Variants in PARD3 observed in about 807,000 individuals in gnomAD.
The protein encoded by PARD3 is partitioning defective 3 homolog.
In PARD3, 75 loss-of-function variants were observed where a neutral mutation model predicts 155.4. The ratio of observed to expected loss-of-function variants is 0.48; its 90% CI spans 0.40 to 0.58. The LOEUF (loss-of-function observed/expected upper bound fraction) is 0.58, where lower values mean the gene tolerates loss of function less well. Among genes scored for constraint, PARD3 ranks in the 20% least tolerant of loss-of-function variants. PARD3 has a pLI of 0.00. For synonymous variants in PARD3, 576 were observed against 610.5 expected (o/e 0.94, Z 0.83); for missense variants, 1,642 against 1,721.7 (o/e 0.95, Z 0.82).
intron 1 of PARD3, among the ~76,000 whole-genome samples, chr10:34,790,902 T>C (rs1564622853): frequency 6.6e-6 from 1 of 152,228 alleles, no homozygotes; most frequent in African/African-American, 2.4e-5. Context: ...CAGTCAGTTA[T>C]GGCCATCCCT....
chr10:34,320,380 C>T lies in PARD3; in HGVS notation c.2834-3042G>A, dbSNP rs534075390. Among the ~76,000 whole-genome samples the T allele has an allele frequency of 1.2e-4, 19 of 152,272 alleles. 1 individual carries two copies. In the South Asian group the frequency reaches 3.3e-3, roughly 27 times the overall value. ...TGTATGCATCATTTAATAGATTTTA[C>T]GACCCTCTACAATGTCTGAAACTAT... On this transcript the variant is annotated intron_variant, in intron 19 of 24. Transcript: ENST00000374788.
intron 2 of PARD3, among the ~76,000 whole-genome samples, chr10:34,668,144 T>A (rs1590531291): frequency 6.6e-6 from 1 of 152,068 alleles, no homozygotes; most frequent in Non-Finnish European, 1.5e-5. Context: ...AACAAATAAT[T>A]CCTCATCTGC....
chr10:34,741,798 G>C (rs1281867977), intron 1 of PARD3, among the ~76,000 whole-genome samples: 1 of 152,126 alleles, frequency 6.6e-6, no homozygotes, highest in Non-Finnish European at 1.5e-5. Flanking sequence ...AGAAGTTAAT[G>C]AAGCACATAC....
intron 22 of PARD3, among the ~76,000 whole-genome samples, chr10:34,207,880 T>G (rs1175879905): frequency 1.3e-5 from 2 of 152,228 alleles, no homozygotes; most frequent in Non-Finnish European, 2.9e-5. Context: ...TTAAGAAGAA[T>G]GCCTCCGGTC....
intron 2 of PARD3, among the ~76,000 whole-genome samples, chr10:34,632,059 G>A (rs954153403): frequency 1.3e-5 from 2 of 152,190 alleles, no homozygotes; most frequent in African/African-American, 4.8e-5. Context: ...AGGCTTTTGA[G>A]ATCAGCCTGG....
At chr10:34,792,606 C>G (rs1841793741) in intron 1 of PARD3, among the ~76,000 whole-genome samples, 1 of 152,170 alleles carries the variant, frequency 6.6e-6, no homozygotes, top group Non-Finnish European at 1.5e-5. Context: ...ACTGTTTTCC[C>G]ACAAGGATAC....
At chr10:34,489,518 T>C (rs1246870684) in intron 3 of PARD3, among the ~76,000 whole-genome samples, 3 of 152,218 alleles carry the variant, frequency 2.0e-5, no homozygotes, top group Admixed American at 2.0e-4. Context: ...ATTAATTCCT[T>C]ACCACACAAC....
intron 1 of PARD3, among the ~76,000 whole-genome samples, chr10:34,813,620 T>A (rs1176597497): frequency 3.9e-5 from 6 of 152,294 alleles, no homozygotes; most frequent in Admixed American, 3.9e-4. Flanking sequence ...AAAGGCCAAA[T>A]TTATGCTATT....
intron 18 of PARD3, among the ~76,000 whole-genome samples, chr10:34,335,010 T>C (rs776674950): frequency 3.3e-5 from 5 of 151,888 alleles, no homozygotes; most frequent in Non-Finnish European, 5.9e-5. Flanking sequence ...CTCAATTTGG[T>C]TTTTATGACT....
intron 2 of PARD3, among the ~76,000 whole-genome samples, chr10:34,578,549 T>C (rs1055619360): frequency 6.6e-6 from 1 of 152,226 alleles, no homozygotes; most frequent in Non-Finnish European, 1.5e-5. Flanking sequence ...ACCACAGTTG[T>C]AATTTCCACA....
chr10:34,519,832 T>TAACATAACATAAC (rs2082021805), intron 2 of PARD3, among the ~76,000 whole-genome samples: 1 of 141,702 alleles, frequency 7.1e-6, no homozygotes, highest in African/African-American at 2.7e-5. Context: ...TAACATAACA[T>TAACATAACATAAC]AACATAACAT....
At chr10:34,398,066 C>T (rs1342015587) in intron 7 of PARD3, among the ~76,000 whole-genome samples, 1 of 152,098 alleles carries the variant, frequency 6.6e-6, no homozygotes, top group African/African-American at 2.4e-5. Context: ...AAAGTAAAAG[C>T]AGCCACAACT....
intron 2 of PARD3, among the ~76,000 whole-genome samples, chr10:34,597,382 G>T (rs938574444): frequency 2.0e-5 from 3 of 151,032 alleles, no homozygotes; most frequent in Non-Finnish European, 4.4e-5. Flanking sequence ...AAGTTTTGCT[G>T]GCATCAACAT....
intron 2 of PARD3, among the ~76,000 whole-genome samples, chr10:34,599,405 A>C (rs1467151216): frequency 6.6e-6 from 1 of 152,222 alleles, no homozygotes; most frequent in Non-Finnish European, 1.5e-5. Context: ...AATGTATATG[A>C]ACAGTTCAAT....
At position 34,662,871 on chromosome 10, in the gene PARD3, G is replaced by GAAAAAAAAAAAA. The variant is rs568672135; in HGVS notation, c.222+33435_222+33446dup. Among the ~76,000 whole-genome samples the GAAAAAAAAAAAA allele has an allele frequency of 8.8e-3, 1,087 of 123,284 alleles. 15 individuals are homozygous for GAAAAAAAAAAAA. The highest frequency in any genetic ancestry group is 0.032 in the African/African-American group (1,033 of 32,694). 80.9% of individuals were successfully genotyped at this position (123,284 alleles called of 152,430 possible). On this transcript the variant is annotated intron_variant, in intron 2 of 24. Transcript: ENST00000374788. Reference sequence around the variant, plus strand: ...TGGGTGACAGTGAGAAACTGTCTCAGAAAAAAAAAAAAAAAGAATCAAACT... The same window carrying GAAAAAAAAAAAA: ...TGGGTGACAGTGAGAAACTGTCTCAGAAAAAAAAAAAAAAAAAAAAAAAAAAAGAATCAAACT...
chr10:34,443,877 C>T (rs959938422), intron 5 of PARD3, among the ~76,000 whole-genome samples: 3 of 152,158 alleles, frequency 2.0e-5, no homozygotes, highest in African/African-American at 7.2e-5. Context: ...CATCATTGCT[C>T]CCAAAACTCT....
chr10:34,388,640 A>T (rs1842581322), intron 7 of PARD3, among the ~76,000 whole-genome samples: 1 of 152,240 alleles, frequency 6.6e-6, no homozygotes, highest in Admixed American at 6.5e-5. Context: ...CAGTTTTATT[A>T]GAGAAAGTAA....
intron 4 of PARD3, among the ~76,000 whole-genome samples, chr10:34,455,301 G>C (rs947990214): frequency 6.6e-6 from 1 of 151,978 alleles, no homozygotes; most frequent in Non-Finnish European, 1.5e-5. Flanking sequence ...TGCATCATAT[G>C]GTTTCAAATA....
chr10:34,524,291 C>A (rs902067086), intron 2 of PARD3, among the ~76,000 whole-genome samples: 1 of 152,122 alleles, frequency 6.6e-6, no homozygotes, highest in Non-Finnish European at 1.5e-5. Flanking sequence ...CAAAGGGAGA[C>A]CTGTCCGACA....
Sources: gnomAD v4.1 joint callset for allele counts (sites outside exome capture counted in the v4.1 genomes callset) on GRCh38, gnomAD v4.1.1 for gene constraint, MANE v1.5 for transcripts, NCBI Gene and HGNC (gene_info 2026-07-23, HGNC 2026-07-21) for gene names.